The following APOBEC3F variants were observed in gnomAD, a reference collection of about 807,000 sequenced individuals.
APOBEC3F encodes the protein apolipoprotein B mRNA editing enzyme catalytic subunit 3F, also known as DNA dC->dU-editing enzyme APOBEC-3F.
APOBEC3F carries 34 observed loss-of-function variants against 45.8 expected under a neutral mutation model. That is an observed-to-expected ratio of 0.74 (90% CI 0.57 to 0.99). APOBEC3F has a LOEUF of 0.99. Among genes scored for constraint, APOBEC3F ranks in the 50% least tolerant of loss-of-function variants. The pLI is 0.00. For missense variants in APOBEC3F, 459 were observed against 474.1 expected, an observed-to-expected ratio of 0.97 and a Z score of 0.30; for synonymous variants, 192 against 174.4, an observed-to-expected ratio of 1.10 and a Z score of -0.80.
rs557365374 is a variant in APOBEC3F at position 39,044,616 on chromosome 22, C to G, written c.172-325C>G. Among the ~76,000 whole-genome samples the G allele has an allele frequency of 9.7e-4, 147 of 152,138 alleles. 2 individuals are homozygous for G. In the South Asian group the frequency reaches 0.03, roughly 31 times the overall value. On this transcript the variant is annotated intron_variant, in intron 2 of 6. Coordinates refer to ENST00000308521, the MANE Select transcript of APOBEC3F (RefSeq NM_145298.6). The stretch of plus-strand genomic sequence containing the variant: ...GAAGCAGTTTAGTCTGACATACTGC[C>G]CCCCCAGCTAGAGGGCAAGAGACAG...
At chr22:39,043,135 G>C in intron 2 of APOBEC3F, 45 bp downstream of exon 2, 2 of 1,607,914 alleles carry the variant, frequency 1.2e-6, no homozygotes, top group Non-Finnish European at 1.7e-6. Flanking sequence ...AGCTAAGCCA[G>C]CTGGGAAAGC....
intron 1 of APOBEC3F, among the ~76,000 whole-genome samples, chr22:39,042,311 T>C (rs1926950855): frequency 1.5e-5 from 1 of 66,246 alleles, no homozygotes. Context: ...TCTCTCTCTC[T>C]TTTTTTTTTT....
rs868129016 is a variant in APOBEC3F, at chr22:39,054,219, C to G, written c.*1524C>G. Among the ~76,000 whole-genome samples, 1 of 151,688 alleles carries G rather than the reference C, an allele frequency of 6.6e-6. No homozygotes were observed. Among genetic ancestry groups the G allele is most frequent in the South Asian group, 2.1e-4 (1 of 4,804 alleles). On this transcript the variant is annotated 3_prime_UTR_variant, in exon 7 of 7. Transcript: ENST00000308521. ...ATAAAAACGGGTTTCATCATGTTTC[C>G]CAGGCTGGTCTTATTTTTATTTTAT...
At position 39,055,198 on chromosome 22, in the gene APOBEC3F, G is replaced by C. The variant is rs1927652121; in HGVS notation, c.*2503G>C. Reference sequence around the variant, plus strand: ...AGCGATTCTCGTGCCTCAGCCTCCTGAGTAGCTGGGACTACAGGCGTGTGC... The same window carrying C: ...AGCGATTCTCGTGCCTCAGCCTCCTCAGTAGCTGGGACTACAGGCGTGTGC... On this transcript the variant is annotated 3_prime_UTR_variant, in exon 7 of 7. Transcript: ENST00000308521. Among the ~76,000 whole-genome samples the C allele has an allele frequency of 6.6e-6, 1 of 151,460 alleles. No individual in the cohort carries two copies. The highest frequency in any genetic ancestry group is 2.4e-5 in the African/African-American group (1 of 41,118).
Position 39,044,126 on chromosome 22 carries a change from GC to G in APOBEC3F, c.172-811del, listed in dbSNP as rs770923016. The G allele has an allele frequency of 7.7e-6, 12 of 1,563,854 alleles. No homozygotes were observed. In the East Asian group the frequency reaches 2.6e-4, roughly 34 times the overall value. On this transcript the variant is annotated intron_variant, in intron 2 of 6. Coordinates refer to ENST00000308521, the MANE Select transcript of APOBEC3F (RefSeq NM_145298.6). ...AGAGCCCCATTTCAAGTGCTCAGTA[GC>G]CCCTTTGGCCAGTGCGCCCCACCAC...
In APOBEC3F at chr22:39,052,231, A is replaced by C; in HGVS notation, c.881A>C (p.His294Pro). Residue 294 changes from histidine (H) to proline (P), a missense_variant, in exon 6 of 7, where the codon CAC becomes CCC. Transcript: ENST00000308521. ...AGEVAEFLAR[H>P]SNVNLTIFTA... ...GAGGTGGCCGAGTTCCTGGCCAGGC[A>C]CAGCAACGTGAATCTCACCATCTTC... 1 of 1,614,184 alleles carries C rather than the reference A, an allele frequency of 6.2e-7. No individual in the cohort carries two copies. The highest frequency in any genetic ancestry group is 1.7e-5 in the Admixed American group (1 of 60,024).
intron 2 of APOBEC3F, 33 bp from the exon 3 acceptor site, chr22:39,044,908 C>CA (rs1308577464): frequency 6.3e-7 from 1 of 1,592,334 alleles, no homozygotes; most frequent in East Asian, 2.2e-5. Flanking sequence ...CTCCCCCTCT[C>CA]AGAGCATCCC....
rs569268660 is a variant in APOBEC3F, at chr22:39,044,231, A to C, written c.172-710A>C. ...GGCAGACCCTAGAGGGCCAGGCCAC[A>C]GCAGGGGCTGAGGATGCCTGGTGAA... is the stretch of plus-strand genomic sequence containing the variant. On this transcript the variant is annotated intron_variant, in intron 2 of 6. Transcript: ENST00000308521. 7 of 1,599,560 alleles carry C rather than the reference A, an allele frequency of 4.4e-6. No individual in the cohort carries two copies. The Admixed American group carries it at 8.7e-5, about 20-fold the overall frequency.
At chr22:39,043,994 C>T in intron 2 of APOBEC3F, 1 of 1,445,230 alleles carries the variant, frequency 6.9e-7, no homozygotes, top group Non-Finnish European at 9.2e-7. Context: ...CATTGCACTC[C>T]AGCCTGGGCA....
At position 39,053,077 on chromosome 22, in the gene APOBEC3F, A is replaced by G. The variant is rs1007794662; in HGVS notation, c.*382A>G. 2 of 159,414 alleles carry G rather than the reference A, an allele frequency of 1.3e-5. No homozygotes were observed. The highest frequency in any genetic ancestry group is 4.9e-5 in the African/African-American group (2 of 40,832). The allele number at this position is 159,414 out of a possible 1,614,324, so 9.9% of individuals were successfully genotyped here. On this transcript the variant is annotated 3_prime_UTR_variant, in exon 7 of 7. Coordinates refer to ENST00000308521, the MANE Select transcript of APOBEC3F (RefSeq NM_145298.6). ...TCTTGGCTCACTGCAAACTCTGCCT[A>G]CCAGGTTCAAGCGATTCTCCTGCCT...
At chr22:39,049,947 C>T (rs1311143203) in intron 5 of APOBEC3F, among the ~76,000 whole-genome samples, 2 of 149,346 alleles carry the variant, frequency 1.3e-5, no homozygotes, top group Non-Finnish European at 3.0e-5. Context: ...AAGTGATCCG[C>T]CCCCCTCGGC....
chr22:39,044,325 A>G lies in APOBEC3F; in HGVS notation c.172-616A>G, dbSNP rs931146042. ...CTGAACAGGGCTGGGAAAACTTCCA[A>G]ACGAAGGGAAGCTCATGTCTTGGTG... On this transcript the variant is annotated intron_variant, in intron 2 of 6. Coordinates refer to ENST00000308521, the MANE Select transcript of APOBEC3F (RefSeq NM_145298.6). 3.5e-6 allele frequency: 5 copies of G among 1,418,568 alleles called. No individual in the cohort carries two copies. The African/African-American group carries it at 7.4e-5, about 21-fold the overall frequency. The allele number at this position is 1,418,568 out of a possible 1,614,324, so 87.9% of individuals were successfully genotyped here.
intron 6 of APOBEC3F, 81 bp from the exon 7 acceptor site, chr22:39,052,496 G>A: frequency 6.4e-7 from 1 of 1,569,662 alleles, no homozygotes. Flanking sequence ...GCAGTCAGGA[G>A]ACCTGGGCTT....
intron 1 of APOBEC3F, 118 bp from the exon 2 acceptor site, chr22:39,042,819 G>T: frequency 1.4e-6 from 2 of 1,467,028 alleles, no homozygotes; most frequent in Admixed American, 2.4e-5. Context: ...AATTCTCAGG[G>T]CTGTGGAGGG....
chr22:39,044,252 G>C, intron 2 of APOBEC3F: 2 of 1,581,540 alleles, frequency 1.3e-6, no homozygotes, highest in Non-Finnish European at 1.7e-6. Context: ...AGGATGCCTG[G>C]TGAATGGATG....
Position 39,052,796 on chromosome 22 carries a change from C to T in APOBEC3F, c.*101C>T. ...ACCAGCTGTGCTTTTGCCTGGTCAT[C>T]CTGAGCCCCTCCTGGCCTCAGGGCC... On this transcript the variant is annotated 3_prime_UTR_variant, in exon 7 of 7. Coordinates refer to ENST00000308521, the MANE Select transcript of APOBEC3F (RefSeq NM_145298.6). 1 of 1,519,862 alleles carries T rather than the reference C, an allele frequency of 6.6e-7. No individual in the cohort carries two copies. The highest frequency in any genetic ancestry group is 8.8e-7 in the Non-Finnish European group (1 of 1,139,802). 94.1% of individuals were successfully genotyped at this position (1,519,862 alleles called of 1,614,324 possible).
chr22:39,049,841 A>G (rs1249682122), intron 5 of APOBEC3F, among the ~76,000 whole-genome samples: 1 of 151,822 alleles, frequency 6.6e-6, no homozygotes, highest in Non-Finnish European at 1.5e-5. Flanking sequence ...CTGGGATTAC[A>G]GGTGCCCACC....
At chr22:39,048,500 C>G (rs1389060207) in intron 4 of APOBEC3F, among the ~76,000 whole-genome samples, 2 of 152,098 alleles carry the variant, frequency 1.3e-5, no homozygotes, top group African/African-American at 2.4e-5. Flanking sequence ...TGGTGAAACC[C>G]AGTCTCTACT....
At chr22:39,043,771 C>A (rs1350306355) in intron 2 of APOBEC3F, among the ~76,000 whole-genome samples, 2 of 151,660 alleles carry the variant, frequency 1.3e-5, no homozygotes, top group Non-Finnish European at 2.9e-5. Context: ...GTAATCCCAG[C>A]ACTTTGGGAG....
Sources: gnomAD v4.1 joint callset for allele counts (sites outside exome capture counted in the v4.1 genomes callset) on GRCh38, gnomAD v4.1.1 for gene constraint, MANE v1.5 for transcripts, NCBI Gene and HGNC (gene_info 2026-07-23, HGNC 2026-07-21) for gene names.